NTRK2: variants seen among roughly 807,000 people sequenced by gnomAD.
The protein encoded by NTRK2 is BDNF/NT-3 growth factors receptor.
In NTRK2, 13 loss-of-function variants were observed where a neutral mutation model predicts 94.5. That is an observed-to-expected ratio of 0.14 (90% confidence interval 0.09 to 0.22). The LOEUF is 0.22. Among genes scored for constraint, NTRK2 ranks in the 10% least tolerant of loss-of-function variants. NTRK2 has a pLI of 1.00. For synonymous variants in NTRK2, 372 were observed against 407.4 expected (o/e 0.91, Z 1.05); for missense variants, 639 against 1,071.2 (o/e 0.60, Z 5.63).
chr9:84,715,491 T>A (rs900009216), intron 6 of NTRK2, among the ~76,000 whole-genome samples: 1 of 152,190 alleles, frequency 6.6e-6, no homozygotes, highest in African/African-American at 2.4e-5. Flanking sequence ...TACTGTAAAT[T>A]TATTCATGCT....
chr9:84,742,535 G>T (rs893736841), intron 10 of NTRK2, among the ~76,000 whole-genome samples: 1 of 152,122 alleles, frequency 6.6e-6, no homozygotes, highest in Non-Finnish European at 1.5e-5. Flanking sequence ...GCTCCTGAAG[G>T]CGTCCTCAAG....
chr9:84,906,311 C>T (rs1260446278), intron 14 of NTRK2, among the ~76,000 whole-genome samples: 2 of 152,072 alleles, frequency 1.3e-5, no homozygotes, highest in Admixed American at 6.5e-5. Context: ...AGTGGAAGGA[C>T]AAGAGCAGCT....
intron 14 of NTRK2, 44 bp downstream of exon 14, chr9:84,867,475 C>A (rs2132063014): frequency 2.7e-6 from 4 of 1,500,042 alleles, no homozygotes; most frequent in Non-Finnish European, 3.7e-6. Context: ...TGCTGCATAG[C>A]TGTATCAACC....
chr9:84,716,250 C>T (rs562108137), intron 6 of NTRK2, among the ~76,000 whole-genome samples: 1 of 152,232 alleles, frequency 6.6e-6, no homozygotes, highest in African/African-American at 2.4e-5. Context: ...TCCACTTTTC[C>T]AACCTTCCAA....
chr9:84,943,386 T>C (rs2078480471), intron 15 of NTRK2, among the ~76,000 whole-genome samples: 1 of 152,216 alleles, frequency 6.6e-6, no homozygotes, highest in African/African-American at 2.4e-5. Context: ...CCAGCACTAG[T>C]TTCTCAGTTC....
intron 12 of NTRK2, chr9:84,811,450 G>T: frequency 9.4e-7 from 1 of 1,065,816 alleles, no homozygotes; most frequent in Non-Finnish European, 1.1e-6. Flanking sequence ...TTATAACCTT[G>T]CCCTTTTTTA....
At chr9:84,905,443 G>A (rs1055132691) in intron 14 of NTRK2, among the ~76,000 whole-genome samples, 2 of 152,158 alleles carry the variant, frequency 1.3e-5, no homozygotes, top group African/African-American at 2.4e-5. Flanking sequence ...CCCAGGAGAT[G>A]AGACAGGGTA....
At chr9:84,914,997 G>C (rs1402471113) in intron 14 of NTRK2, among the ~76,000 whole-genome samples, 1 of 152,146 alleles carries the variant, frequency 6.6e-6, no homozygotes, top group Non-Finnish European at 1.5e-5. Flanking sequence ...GGATGAAACT[G>C]TTCTACCTCG....
intron 14 of NTRK2, chr9:84,872,261 G>T: frequency 8.9e-7 from 1 of 1,124,590 alleles, no homozygotes; most frequent in Admixed American, 4.2e-5. Context: ...GAAACTTTTT[G>T]ACAGGGAACA....
chr9:84,883,319 C>T (rs2076320984), intron 14 of NTRK2, among the ~76,000 whole-genome samples: 1 of 152,164 alleles, frequency 6.6e-6, no homozygotes, highest in African/African-American at 2.4e-5. Context: ...ACCTTGGTTG[C>T]TGGTAAGTTT....
At chr9:84,912,706 C>A (rs1241170062) in intron 14 of NTRK2, among the ~76,000 whole-genome samples, 1 of 150,098 alleles carries the variant, frequency 6.7e-6, no homozygotes, top group Non-Finnish European at 1.5e-5. Flanking sequence ...GCAAGCTCTG[C>A]CTCCCCGGGT....
chr9:84,771,177 C>G (rs1486018672), intron 12 of NTRK2, among the ~76,000 whole-genome samples: 3 of 152,112 alleles, frequency 2.0e-5, no homozygotes, highest in Admixed American at 6.5e-5. Context: ...CATAGAAACA[C>G]AAAATTATTC....
chr9:84,699,063 G>A (rs2060562718), intron 2 of NTRK2, among the ~76,000 whole-genome samples: 1 of 149,700 alleles, frequency 6.7e-6, no homozygotes, highest in Non-Finnish European at 1.5e-5. Flanking sequence ...TTGAGACGGA[G>A]TCTTGCACTG....
chr9:84,840,336 C>T (rs1382917015), intron 12 of NTRK2, among the ~76,000 whole-genome samples: 1 of 126,012 alleles, frequency 7.9e-6, no homozygotes, highest in East Asian at 2.4e-4. Flanking sequence ...AACTTTGATT[C>T]TGTGGTCGCT....
chr9:84,990,824 G>A (rs902077496), intron 17 of NTRK2, among the ~76,000 whole-genome samples: 1 of 152,218 alleles, frequency 6.6e-6, no homozygotes, highest in African/African-American at 2.4e-5. Flanking sequence ...GAGGCTTAAA[G>A]AACAGAGGGG....
intron 12 of NTRK2, among the ~76,000 whole-genome samples, chr9:84,845,321 T>C (rs10735569): frequency 0.88 from 133,992 of 151,690 alleles, 59,375 homozygotes; most frequent in African/African-American, 0.95. Flanking sequence ...TTGTGGCTAT[T>C]GCTATTGGCT....
chr9:84,775,251 T>A (rs2066917451), intron 12 of NTRK2, among the ~76,000 whole-genome samples: 2 of 152,342 alleles, frequency 1.3e-5, no homozygotes, highest in South Asian at 4.1e-4. Flanking sequence ...CCAGAGAGAA[T>A]TGAATCTGCT....
At chr9:84,894,194 A>T (rs1426315207) in intron 14 of NTRK2, among the ~76,000 whole-genome samples, 3 of 35,854 alleles carry the variant, frequency 8.4e-5, no homozygotes, top group African/African-American at 2.6e-4. Context: ...CACATTGAAT[A>T]GTCCTCATTG....
At position 84,710,827 on chromosome 9, in the gene NTRK2, A is replaced by G. The variant is rs777083976; in HGVS notation, c.583+36A>G. 5.0e-6 allele frequency: 8 copies of G among 1,609,154 alleles called. No individual in the cohort carries two copies. In the Admixed American group the frequency reaches 8.3e-5, roughly 17 times the overall value. ...TTTAAATCAATGTGTTCTAGTTGCT[A>G]TTAATTATTCTCATTGCCTTGGTGC... On this transcript the variant is annotated intron_variant, in intron 6 of 18. Coordinates refer to ENST00000277120, the MANE Select transcript of NTRK2 (RefSeq NM_006180.6).
Sources: allele counts gnomAD v4.1 joint callset (sites outside exome capture counted in the v4.1 genomes callset), GRCh38; gene constraint gnomAD v4.1.1; transcripts MANE v1.5; gene names NCBI Gene and HGNC (gene_info 2026-07-23, HGNC 2026-07-21).